The following GPHN variants were observed in gnomAD, a reference collection of about 807,000 sequenced individuals.
GPHN encodes the protein gephyrin.
GPHN carries 17 observed loss-of-function variants against 95.5 expected under a neutral mutation model. That is an observed-to-expected ratio of 0.18 (90% CI 0.12 to 0.27). The LOEUF (loss-of-function observed/expected upper bound fraction) is 0.27, where lower values mean the gene tolerates loss of function less well. Among genes scored for constraint, GPHN ranks in the 10% least tolerant of loss-of-function variants. The pLI is 1.00. For missense variants in GPHN, 660 were observed against 978.1 expected (o/e 0.67, Z 4.34); for synonymous variants, 320 against 322.5 (o/e 0.99, Z 0.08).
intron 2 of GPHN, among the ~76,000 whole-genome samples, chr14:66,745,104 A>G (rs1194986928): frequency 2.6e-5 from 4 of 152,070 alleles, no homozygotes; most frequent in Admixed American, 1.3e-4. Flanking sequence ...TCATTTGGTT[A>G]TGAATTCATT....
chr14:67,598,610 A>G, the GPHN span, among the ~76,000 whole-genome samples: 1 of 152,196 alleles, frequency 6.6e-6, no homozygotes, highest in Admixed American at 6.5e-5. Flanking sequence ...TACATAGGCT[A>G]TAAGAACTCA....
chr14:67,055,465 T>C (rs2075516398), intron 10 of GPHN, among the ~76,000 whole-genome samples: 1 of 152,194 alleles, frequency 6.6e-6, no homozygotes, highest in African/African-American at 2.4e-5. Flanking sequence ...ACACTGTTGG[T>C]AGTTCAACCA....
At chr14:66,605,407 T>G (rs1002932166) in intron 1 of GPHN, among the ~76,000 whole-genome samples, 2 of 152,148 alleles carry the variant, frequency 1.3e-5, no homozygotes, top group African/African-American at 4.8e-5. Context: ...TGGTGTAAGA[T>G]GGTATATTGT....
intron 8 of GPHN, among the ~76,000 whole-genome samples, chr14:66,929,397 T>C (rs887814449): frequency 3.0e-4 from 45 of 152,098 alleles, no homozygotes; most frequent in African/African-American, 1.1e-3. Context: ...ATGTTTAAAG[T>C]GGGGTGTTGA....
At chr14:66,834,552 T>A (rs934842363) in intron 4 of GPHN, among the ~76,000 whole-genome samples, 3 of 151,860 alleles carry the variant, frequency 2.0e-5, no homozygotes, top group Non-Finnish European at 4.4e-5. Context: ...TATGCTGGAT[T>A]ACATTTATTG....
chr14:66,677,815 A>T (rs1356353285), intron 1 of GPHN, among the ~76,000 whole-genome samples: 1 of 152,146 alleles, frequency 6.6e-6, no homozygotes, highest in African/African-American at 2.4e-5. Context: ...TCTGTAAGCC[A>T]TCTTTAGATC....
chr14:67,328,614 T>C, the GPHN span, among the ~76,000 whole-genome samples: 2 of 152,232 alleles, frequency 1.3e-5, no homozygotes, highest in Admixed American at 6.5e-5. Flanking sequence ...GTTTTAGGTC[T>C]AACATTTAAG....
intron 12 of GPHN, among the ~76,000 whole-genome samples, chr14:67,097,389 A>G (rs2077453676): frequency 2.0e-5 from 3 of 152,218 alleles, no homozygotes; most frequent in Admixed American, 1.3e-4. Flanking sequence ...TAGTACTAGC[A>G]GTTGATAATA....
the GPHN span, among the ~76,000 whole-genome samples, chr14:67,628,054 C>G: frequency 2.0e-5 from 3 of 152,170 alleles, no homozygotes; most frequent in Admixed American, 1.3e-4. Flanking sequence ...TGCCACAGTG[C>G]CCTTGGGGGA....
chr14:66,604,495 A>T (rs117094597), intron 1 of GPHN, among the ~76,000 whole-genome samples: 1,649 of 152,248 alleles, frequency 0.011, 22 homozygotes, highest in Non-Finnish European at 0.017. Context: ...CCACTGACCG[A>T]AATATTTTTT....
chr14:67,560,061 C>G, the GPHN span, among the ~76,000 whole-genome samples: 1 of 152,202 alleles, frequency 6.6e-6, no homozygotes, highest in Non-Finnish European at 1.5e-5. Context: ...GAGTCTCGCT[C>G]TCTCGCCCAG....
chr14:67,726,909 C>T, the GPHN span: 1 of 1,364,290 alleles, frequency 7.3e-7, no homozygotes, highest in Middle Eastern at 2.5e-4. Flanking sequence ...ACACTGAAGT[C>T]CTCTTGGCTC....
intron 2 of GPHN, among the ~76,000 whole-genome samples, chr14:66,705,633 T>G (rs1339920071): frequency 6.6e-6 from 1 of 152,154 alleles, no homozygotes; most frequent in Non-Finnish European, 1.5e-5. Flanking sequence ...TATTAAAAAC[T>G]CTAAATAAAC....
intron 1 of GPHN, among the ~76,000 whole-genome samples, chr14:66,561,682 A>C: frequency 6.6e-6 from 1 of 152,202 alleles, no homozygotes; most frequent in East Asian, 1.9e-4. Flanking sequence ...TAGGCTGAGT[A>C]AATTGACATT....
intron 1 of GPHN, among the ~76,000 whole-genome samples, chr14:66,571,095 A>G (rs570232479): frequency 3.3e-5 from 5 of 152,326 alleles, no homozygotes; most frequent in Admixed American, 3.3e-4. Context: ...TTTATAAAGG[A>G]AAGAGGTTTA....
the GPHN span, chr14:67,555,843 A>G: frequency 6.2e-7 from 1 of 1,613,240 alleles, no homozygotes; most frequent in Admixed American, 1.7e-5. Flanking sequence ...GCTGGAGCAG[A>G]GGCTGCTGGA....
chr14:67,586,805 T>TGTAG, the GPHN span: 2 of 1,426,524 alleles, frequency 1.4e-6, no homozygotes, highest in African/African-American at 2.8e-5. Context: ...CTTCCCTGGT[T>TGTAG]GTAGAGCTAA....
At chr14:67,666,530 T>C in the GPHN span, among the ~76,000 whole-genome samples, 2 of 152,246 alleles carry the variant, frequency 1.3e-5, no homozygotes, top group Non-Finnish European at 2.9e-5. Context: ...TTTGAAATCA[T>C]TTCTTGTGAT....
the GPHN span, chr14:67,374,690 GT>G: frequency 2.0e-6 from 1 of 500,742 alleles, no homozygotes; most frequent in Non-Finnish European, 3.3e-6. Flanking sequence ...TTTTGAAGCC[GT>G]TTTAGGTTAA....
Sources: allele counts gnomAD v4.1 joint callset (sites outside exome capture counted in the v4.1 genomes callset), GRCh38; gene constraint gnomAD v4.1.1; transcripts MANE v1.5; gene names NCBI Gene and HGNC (gene_info 2026-07-23, HGNC 2026-07-21).